Variants in THSD7B observed in about 807,000 individuals in gnomAD.
The protein encoded by THSD7B is thrombospondin type-1 domain-containing protein 7B.
A neutral mutation model predicts 213.6 loss-of-function variants in THSD7B; 138 were observed. The observed-to-expected ratio is 0.65, with a 90% CI of 0.56 to 0.74. The LOEUF (loss-of-function observed/expected upper bound fraction) is 0.74, where lower values mean the gene tolerates loss of function less well. Among genes scored for constraint, THSD7B ranks in the 30% least tolerant of loss-of-function variants. THSD7B has a pLI of 0.00. For missense variants in THSD7B, 1,931 were observed against 1,991.5 expected, an observed-to-expected ratio of 0.97 and a Z score of 0.58; for synonymous variants, 742 against 687.0, an observed-to-expected ratio of 1.08 and a Z score of -1.25.
chr2:136,836,540 A>T (rs1000441608), intron 1 of THSD7B, among the ~76,000 whole-genome samples: 1 of 152,140 alleles, frequency 6.6e-6, no homozygotes, highest in African/African-American at 2.4e-5. Flanking sequence ...GGAGCTTAGC[A>T]CCTCACTGGC....
At chr2:137,633,435 G>A (rs566819308) in intron 20 of THSD7B, among the ~76,000 whole-genome samples, 1 of 152,080 alleles carries the variant, frequency 6.6e-6, no homozygotes, top group Non-Finnish European at 1.5e-5. Flanking sequence ...CAAATTTATT[G>A]CAAAAGGTAG....
intron 4 of THSD7B, among the ~76,000 whole-genome samples, chr2:137,107,481 C>T (rs903565460): frequency 6.6e-6 from 1 of 152,112 alleles, no homozygotes; most frequent in Admixed American, 6.5e-5. Context: ...CACGTGTATC[C>T]CTATGTAACA....
At chr2:136,802,051 G>A (rs1682191853) in intron 1 of THSD7B, among the ~76,000 whole-genome samples, 1 of 152,014 alleles carries the variant, frequency 6.6e-6, no homozygotes. Flanking sequence ...TGTTTAATAA[G>A]CAATTCCTGG....
chr2:137,449,978 G>C (rs1430917795), intron 14 of THSD7B, among the ~76,000 whole-genome samples: 1 of 152,050 alleles, frequency 6.6e-6, no homozygotes. Context: ...CAGGATACAG[G>C]AATCAGATGA....
intron 12 of THSD7B, among the ~76,000 whole-genome samples, chr2:137,286,240 A>G (rs1250297909): frequency 6.6e-6 from 1 of 152,072 alleles, no homozygotes; most frequent in African/African-American, 2.4e-5. Context: ...TGAGTAGTCT[A>G]ATTTTCTGAT....
At chr2:137,114,597 G>A (rs1447600719) in intron 4 of THSD7B, among the ~76,000 whole-genome samples, 1 of 152,198 alleles carries the variant, frequency 6.6e-6, no homozygotes, top group Non-Finnish European at 1.5e-5. Context: ...ATACTTTTAT[G>A]TGAATGACAT....
chr2:137,582,601 G>C (rs1681606452), intron 17 of THSD7B, among the ~76,000 whole-genome samples: 2 of 150,142 alleles, frequency 1.3e-5, no homozygotes, highest in Admixed American at 1.3e-4. Flanking sequence ...TTGGTTTTTT[G>C]TCCTTGTGAT....
rs193300487 is a variant in THSD7B, at chr2:137,660,225, T to A, written c.4458+479T>A. On this transcript the variant is annotated intron_variant, in intron 25 of 27. Transcript: ENST00000409968. ...TATGGGGTGGCGGTTATGCATGTAT[T>A]TTTTTTTCAAAGCAGAAATTTATTT... Among the ~76,000 whole-genome samples, 60 of 152,160 alleles carry A rather than the reference T, an allele frequency of 3.9e-4. No individual in the cohort carries two copies. The East Asian group carries it at 0.011, about 27-fold the overall frequency.
At chr2:136,833,320 T>C (rs1255290652) in intron 1 of THSD7B, among the ~76,000 whole-genome samples, 1 of 114,326 alleles carries the variant, frequency 8.7e-6, no homozygotes, top group African/African-American at 3.3e-5. Context: ...GCTGAGATAG[T>C]GCCACTGCAG....
intron 5 of THSD7B, among the ~76,000 whole-genome samples, chr2:137,140,201 T>C (rs1390342271): frequency 3.3e-5 from 5 of 152,154 alleles, no homozygotes; most frequent in African/African-American, 9.6e-5. Flanking sequence ...AGAATATTTT[T>C]TCAAAACTTG....
chr2:137,160,245 G>A lies in THSD7B; in HGVS notation c.1402G>A (p.Gly468Arg), dbSNP rs549484909. Residue 468 changes from glycine to arginine, a missense_variant, in exon 6 of 28, where the codon GGA (glycine) becomes AGA (arginine). Transcript: ENST00000409968. ...SRPVEKALCV[G>R]PAPLPSQLCN... Reference sequence around the variant, plus strand: ...ACCTGTGGAAAAGGCATTATGTGTGGGACCCGCCCCGTTGCCCTCTCAGCT... The same window carrying A: ...ACCTGTGGAAAAGGCATTATGTGTGAGACCCGCCCCGTTGCCCTCTCAGCT... The A allele has an allele frequency of 6.2e-7, 1 of 1,613,512 alleles. No individual in the cohort carries two copies. Among genetic ancestry groups the A allele is most frequent in the South Asian group, 1.1e-5 (1 of 91,046 alleles).
intron 1 of THSD7B, among the ~76,000 whole-genome samples, chr2:136,788,426 C>A (rs1392190428): frequency 6.6e-6 from 1 of 152,124 alleles, no homozygotes; most frequent in Non-Finnish European, 1.5e-5. Flanking sequence ...AATTGCAGTG[C>A]CCCATTGTGA....
intron 2 of THSD7B, among the ~76,000 whole-genome samples, chr2:136,963,279 A>G (rs1014655909): frequency 6.6e-6 from 1 of 152,080 alleles, no homozygotes; most frequent in African/African-American, 2.4e-5. Flanking sequence ...AGGATAAATG[A>G]TGGGTAATTG....
intron 7 of THSD7B, among the ~76,000 whole-genome samples, chr2:137,171,188 T>G (rs1044982474): frequency 3.3e-5 from 5 of 152,210 alleles, no homozygotes; most frequent in Admixed American, 2.0e-4. Flanking sequence ...TAGAGATTTC[T>G]TAAGAGTTTT....
At chr2:136,994,227 G>T (rs972849758) in intron 2 of THSD7B, among the ~76,000 whole-genome samples, 6 of 152,266 alleles carry the variant, frequency 3.9e-5, no homozygotes, top group Non-Finnish European at 8.8e-5. Context: ...ACAGAGAAAA[G>T]CATGAAGAGG....
At chr2:136,932,518 A>G (rs1226726135) in intron 2 of THSD7B, among the ~76,000 whole-genome samples, 1 of 117,262 alleles carries the variant, frequency 8.5e-6, no homozygotes, top group Admixed American at 8.3e-5. Flanking sequence ...CTGATAACAT[A>G]AACAGTTGAT....
At chr2:137,195,204 A>G (rs924144821) in intron 7 of THSD7B, among the ~76,000 whole-genome samples, 1 of 151,838 alleles carries the variant, frequency 6.6e-6, no homozygotes, top group African/African-American at 2.4e-5. Flanking sequence ...AAAACCCTGC[A>G]TATAGCTATT....
At chr2:137,502,344 A>G (rs1679729349) in intron 15 of THSD7B, among the ~76,000 whole-genome samples, 1 of 152,128 alleles carries the variant, frequency 6.6e-6, no homozygotes, top group Non-Finnish European at 1.5e-5. Context: ...GTATATATGT[A>G]TGTTTGTACA....
intron 15 of THSD7B, among the ~76,000 whole-genome samples, chr2:137,498,884 A>G (rs1679636300): frequency 6.6e-6 from 1 of 152,152 alleles, no homozygotes; most frequent in Admixed American, 6.5e-5. Flanking sequence ...TTTTTTCAGG[A>G]ATCTCATGGA....
Sources: gnomAD v4.1 joint callset for allele counts (sites outside exome capture counted in the v4.1 genomes callset) on GRCh38, gnomAD v4.1.1 for gene constraint, MANE v1.5 for transcripts, NCBI Gene and HGNC (gene_info 2026-07-23, HGNC 2026-07-21) for gene names.